Variants in IRAK2 observed in about 807,000 individuals in gnomAD.
The protein encoded by IRAK2 is interleukin 1 receptor associated kinase 2.
Under a neutral mutation model 72.0 loss-of-function variants are expected in IRAK2, and 57 were observed. The observed-to-expected ratio is 0.79, with a 90% CI of 0.64 to 0.99. The LOEUF (loss-of-function observed/expected upper bound fraction) is 0.99. Ranked by LOEUF, IRAK2 falls within the 50% of genes least tolerant of loss-of-function variation. The pLI is 0.00. For missense variants in IRAK2, 790 were observed against 794.4 expected (o/e 0.99, Z 0.07); for synonymous variants, 293 against 312.7 (o/e 0.94, Z 0.67).
chr3:10,240,509 GTTTC>G (rs1358096783), intron 12 of IRAK2, among the ~76,000 whole-genome samples: 2 of 84,108 alleles, frequency 2.4e-5, no homozygotes, highest in Non-Finnish European at 4.4e-5. Flanking sequence ...AGGATACCAA[GTTTC>G]TTTCTGAAAT....
intron 2 of IRAK2, among the ~76,000 whole-genome samples, chr3:10,185,408 T>G (rs1485294575): frequency 6.7e-6 from 1 of 148,430 alleles, no homozygotes; most frequent in Non-Finnish European, 1.5e-5. Flanking sequence ...AAACACAAAA[T>G]TAGCCGGGCG....
chr3:10,174,172 C>T (rs1016615727), intron 1 of IRAK2, among the ~76,000 whole-genome samples: 4 of 152,172 alleles, frequency 2.6e-5, no homozygotes, highest in African/African-American at 4.8e-5. Context: ...TAGAAGCAGC[C>T]GCTGACCCAG....
At chr3:10,218,353 G>A (rs1697636507) in intron 7 of IRAK2, among the ~76,000 whole-genome samples, 1 of 150,746 alleles carries the variant, frequency 6.6e-6, no homozygotes, top group South Asian at 2.1e-4. Context: ...GAACCCGGGA[G>A]GCAGAGGTTG....
chr3:10,194,610 G>A (rs1454784418), intron 2 of IRAK2, among the ~76,000 whole-genome samples: 1 of 152,090 alleles, frequency 6.6e-6, no homozygotes, highest in Non-Finnish European at 1.5e-5. Context: ...ATGAGTGGGC[G>A]TTGCGTCTTT....
At chr3:10,172,795 G>C (rs1334904225) in intron 1 of IRAK2, among the ~76,000 whole-genome samples, 1 of 132,728 alleles carries the variant, frequency 7.5e-6, no homozygotes, top group Admixed American at 8.7e-5. Flanking sequence ...CCAAGATCGC[G>C]CCACTGCACT....
chr3:10,230,177 A>G (rs1697837340), intron 10 of IRAK2, among the ~76,000 whole-genome samples: 1 of 152,166 alleles, frequency 6.6e-6, no homozygotes, highest in Non-Finnish European at 1.5e-5. Flanking sequence ...GCAAATTCAG[A>G]ATAGTATATA....
intron 8 of IRAK2, among the ~76,000 whole-genome samples, chr3:10,222,346 G>A (rs549778241): frequency 6.6e-6 from 1 of 152,306 alleles, no homozygotes; most frequent in Non-Finnish European, 1.5e-5. Flanking sequence ...GTGGCAAGCT[G>A]AGGCTGATCA....
rs962507940 is a variant in IRAK2 at position 10,177,891 on chromosome 3, C to G, written c.148C>G (p.Arg50Gly). ...GCTGCGGAAGATCAAGTCCATGGAGCGGGTGCAGGGTGTGAGCATCACGCG... is the reference window on the plus strand; with the variant it reads ...GCTGCGGAAGATCAAGTCCATGGAGGGGGTGCAGGGTGTGAGCATCACGCG... ...TQLRKIKSMERVQGVSITREL... is the reference protein window; with the variant it reads ...TQLRKIKSMEGVQGVSITREL... Residue 50 changes from arginine to glycine, a missense_variant, in exon 2 of 13, where the codon CGG becomes GGG. Transcript: ENST00000256458. 6.2e-7 allele frequency: 1 copy of G among 1,613,754 alleles called. No homozygotes were observed. The highest frequency in any genetic ancestry group is 1.7e-5 in the Admixed American group (1 of 60,022).
intron 10 of IRAK2, among the ~76,000 whole-genome samples, chr3:10,227,375 G>A (rs571341529): frequency 6.6e-6 from 1 of 152,082 alleles, no homozygotes; most frequent in African/African-American, 2.4e-5. Flanking sequence ...TTGAACCCAG[G>A]AGACAGAGGT....
rs1697921907 is a variant in IRAK2 at position 10,234,626 on chromosome 3, G to A, written c.1440G>A (p.Leu480=). ...AGGCCCTGGCCACGGCTGCCTGCCT[G>A]TGCCTGCGGAGGCGTAACACCAGCC... ...CAEALATAAC[L]CLRRRNTSLQ... The change falls in exon 11 of 13, where the codon CTG becomes CTA. Residue 480 remains leucine, a synonymous_variant. Coordinates refer to ENST00000256458, the MANE Select transcript of IRAK2 (RefSeq NM_001570.4). The A allele has an allele frequency of 1.2e-6, 2 of 1,613,326 alleles. No individual in the cohort carries two copies. Among genetic ancestry groups the A allele is most frequent in the Middle Eastern group, 1.7e-4 (1 of 6,054 alleles).
intron 3 of IRAK2, among the ~76,000 whole-genome samples, chr3:10,209,242 G>C (rs1272038726): frequency 6.6e-6 from 1 of 152,190 alleles, no homozygotes; most frequent in Non-Finnish European, 1.5e-5. Context: ...CTTTGAGTAG[G>C]AGGTGAGATA....
chr3:10,238,900 C>G lies in IRAK2; in HGVS notation c.1626C>G (p.Ser542=), dbSNP rs1698009554. ...ATTCCAGCCTTGATGCCTCCTCCTC[C>G]ATGAGTGTGGCACCCTGGGCAGGGG... ...VDNSSLDASS[S]MSVAPWAGAA... is the part of the protein sequence containing the mutation. The change falls in exon 12 of 13, where the codon TCC becomes TCG. Residue 542 remains serine (S), a synonymous_variant. Coordinates refer to ENST00000256458, the MANE Select transcript of IRAK2 (RefSeq NM_001570.4). 1.9e-6 allele frequency: 3 copies of G among 1,614,062 alleles called. No homozygotes were observed. The highest frequency in any genetic ancestry group is 2.5e-6 in the Non-Finnish European group (3 of 1,180,044).
chr3:10,237,818 A>G (rs35478526), intron 11 of IRAK2, among the ~76,000 whole-genome samples: 2,751 of 151,182 alleles, frequency 0.018, 106 homozygotes, highest in African/African-American at 0.063. Flanking sequence ...AAAAAAAAAA[A>G]AAAAAAAGAA....
At chr3:10,168,814 C>G (rs1271997441) in intron 1 of IRAK2, among the ~76,000 whole-genome samples, 3 of 152,192 alleles carry the variant, frequency 2.0e-5, no homozygotes, top group African/African-American at 7.2e-5. Context: ...CTGGGCCAGA[C>G]ACAGGGTCTT....
chr3:10,186,849 T>TGG (rs1393168255), intron 2 of IRAK2, among the ~76,000 whole-genome samples: 1 of 147,776 alleles, frequency 6.8e-6, no homozygotes, highest in Non-Finnish European at 1.5e-5. Context: ...TGGAATGCAG[T>TGG]GGGGCAGTGG....
intron 2 of IRAK2, among the ~76,000 whole-genome samples, chr3:10,182,658 G>A (rs1696979010): frequency 6.6e-6 from 1 of 150,740 alleles, no homozygotes; most frequent in Non-Finnish European, 1.5e-5. Context: ...TGATCTGCCC[G>A]CCTCAGCCTC....
intron 4 of IRAK2, among the ~76,000 whole-genome samples, chr3:10,210,133 T>A (rs2125154673): frequency 6.6e-6 from 1 of 152,250 alleles, no homozygotes; most frequent in African/African-American, 2.4e-5. Flanking sequence ...GTTGGCCAGC[T>A]TGGTCTCGAA....
intron 1 of IRAK2, among the ~76,000 whole-genome samples, chr3:10,176,065 GTTTTTTTTTTTTT>G (rs58627914): frequency 1.3e-5 from 1 of 77,408 alleles, no homozygotes; most frequent in Non-Finnish European, 2.6e-5. Flanking sequence ...TATTGTCCAT[GTTTTTTTTTTTTT>G]TTTTTTTTTT....
chr3:10,215,721 T>G (rs1203801051), intron 6 of IRAK2, among the ~76,000 whole-genome samples: 1 of 150,716 alleles, frequency 6.6e-6, no homozygotes, highest in Non-Finnish European at 1.5e-5. Context: ...GCTTTCTCTA[T>G]TCATACATGT....
Sources: allele counts gnomAD v4.1 joint callset (sites outside exome capture counted in the v4.1 genomes callset), GRCh38; gene constraint gnomAD v4.1.1; transcripts MANE v1.5; gene names NCBI Gene and HGNC (gene_info 2026-07-23, HGNC 2026-07-21).